The following GRM8 variants were observed in gnomAD, a reference collection of about 807,000 sequenced individuals.
The protein encoded by GRM8 is metabotropic glutamate receptor 8.
In GRM8, 47 loss-of-function variants were observed where a neutral mutation model predicts 87.2. The ratio of observed to expected loss-of-function variants is 0.54; its 90% confidence interval spans 0.43 to 0.69. The LOEUF (loss-of-function observed/expected upper bound fraction) is 0.69, where lower values mean the gene tolerates loss of function less well. GRM8 is among the 30% of genes least tolerant of loss of function. The pLI is 0.00. For synonymous variants in GRM8, 396 were observed against 404.5 expected, an observed-to-expected ratio of 0.98 and a Z score of 0.25; for missense variants, 1,019 against 1,139.2, an observed-to-expected ratio of 0.89 and a Z score of 1.52.
At chr7:127,089,389 A>G (rs1823834995) in intron 3 of GRM8, among the ~76,000 whole-genome samples, 1 of 152,176 alleles carries the variant, frequency 6.6e-6, no homozygotes, top group Non-Finnish European at 1.5e-5. Flanking sequence ...TGGGAGAACA[A>G]ATTTCTGTTG....
intron 3 of GRM8, among the ~76,000 whole-genome samples, chr7:126,983,001 G>T (rs1422174842): frequency 2.6e-5 from 4 of 152,144 alleles, no homozygotes; most frequent in Non-Finnish European, 5.9e-5. Flanking sequence ...TACCTCTGTT[G>T]TGTAGTAGTA....
At chr7:126,603,824 G>A (rs2151083798) in intron 8 of GRM8, among the ~76,000 whole-genome samples, 1 of 152,160 alleles carries the variant, frequency 6.6e-6, no homozygotes, top group South Asian at 2.1e-4. Context: ...GGAAACAGAG[G>A]CAAACAGAAA....
chr7:126,913,817 A>G (rs2131309855), intron 3 of GRM8, among the ~76,000 whole-genome samples: 1 of 152,344 alleles, frequency 6.6e-6, no homozygotes, highest in African/African-American at 2.4e-5. Context: ...ACAACATGAA[A>G]CTGTAAGTTT....
At chr7:127,153,007 C>A (rs1335606173) in intron 2 of GRM8, among the ~76,000 whole-genome samples, 1 of 152,058 alleles carries the variant, frequency 6.6e-6, no homozygotes, top group Non-Finnish European at 1.5e-5. Flanking sequence ...TATTTAACAC[C>A]CTCCCCATTT....
chr7:126,557,267 C>G (rs1793248562), intron 8 of GRM8, among the ~76,000 whole-genome samples: 1 of 152,172 alleles, frequency 6.6e-6, no homozygotes, highest in Non-Finnish European at 1.5e-5. Context: ...TAGGGTAAGA[C>G]TGGATAATGC....
intron 9 of GRM8, among the ~76,000 whole-genome samples, chr7:126,522,524 C>T (rs567076559): frequency 1.1e-4 from 16 of 152,188 alleles, no homozygotes; most frequent in East Asian, 5.8e-4. Flanking sequence ...TATAATTTTT[C>T]GCCCACACTG....
At chr7:126,609,532 T>G (rs770161307) in intron 7 of GRM8, 34 bp from the exon 8 acceptor site, 1 of 1,560,958 alleles carries the variant, frequency 6.4e-7, no homozygotes, top group Non-Finnish European at 8.8e-7. Flanking sequence ...TTAATAAAGT[T>G]TTAGTAAGAT....
chr7:127,042,551 G>C (rs1818523091), intron 3 of GRM8, among the ~76,000 whole-genome samples: 1 of 152,168 alleles, frequency 6.6e-6, no homozygotes, highest in South Asian at 2.1e-4. Context: ...GGGAAAACTG[G>C]CTAGCCATAT....
rs1814136039 is a variant in GRM8, at chr7:126,527,965, G to C, written c.2430+4987C>G. ...CTCATGCCTGTAATCCAGCATTTTG[G>C]GAGGCTAAGGCGGGCGGATCATGAG... is the stretch of plus-strand genomic sequence containing the variant. On this transcript the variant is annotated intron_variant, in intron 9 of 10. Coordinates refer to ENST00000339582, the MANE Select transcript of GRM8 (RefSeq NM_000845.3). 2.6e-5 allele frequency among the ~76,000 whole-genome samples: 4 copies of C among 152,242 alleles called. No individual in the cohort carries two copies. The South Asian group carries it at 8.3e-4, about 32-fold the overall frequency.
chr7:126,696,279 C>T (rs918853739), intron 7 of GRM8, among the ~76,000 whole-genome samples: 6 of 152,128 alleles, frequency 3.9e-5, no homozygotes, highest in African/African-American at 1.4e-4. Context: ...GTTTGTTACA[C>T]AGGTAAACGT....
At chr7:126,742,706 CCTCTTT>C (rs1382835988) in intron 7 of GRM8, among the ~76,000 whole-genome samples, 1 of 152,030 alleles carries the variant, frequency 6.6e-6, no homozygotes, top group East Asian at 1.9e-4. Flanking sequence ...AATACTCCTT[CCTCTTT>C]CTCTAAGTTT....
chr7:126,638,845 A>T (rs1802099338), intron 7 of GRM8, among the ~76,000 whole-genome samples: 1 of 152,114 alleles, frequency 6.6e-6, no homozygotes, highest in Non-Finnish European at 1.5e-5. Context: ...TTCACCAAGT[A>T]ATTTCTGTAA....
chr7:127,221,171 T>C (rs1419162668), intron 2 of GRM8, among the ~76,000 whole-genome samples: 1 of 152,188 alleles, frequency 6.6e-6, no homozygotes, highest in African/African-American at 2.4e-5. Context: ...CAAACAGGCC[T>C]TAAAAGTCTA....
chr7:127,016,634 T>C (rs942343325), intron 3 of GRM8, among the ~76,000 whole-genome samples: 4 of 152,072 alleles, frequency 2.6e-5, no homozygotes, highest in African/African-American at 9.7e-5. Flanking sequence ...ACCATTGCTC[T>C]TTCTCAATCC....
intron 3 of GRM8, among the ~76,000 whole-genome samples, chr7:126,953,287 A>C (rs28951977): frequency 6.6e-6 from 1 of 152,122 alleles, no homozygotes; most frequent in East Asian, 1.9e-4. Context: ...TTAAGAATCT[A>C]TATCAACAAT....
At chr7:126,444,971 C>A (rs767565091) in intron 10 of GRM8, among the ~76,000 whole-genome samples, 3 of 150,668 alleles carry the variant, frequency 2.0e-5, no homozygotes, top group Non-Finnish European at 4.4e-5. Flanking sequence ...CAGAGTGAGA[C>A]CCTGTCTCTA....
chr7:126,677,201 T>C (rs1175870215), intron 7 of GRM8, among the ~76,000 whole-genome samples: 1 of 151,950 alleles, frequency 6.6e-6, no homozygotes, highest in Non-Finnish European at 1.5e-5. Context: ...CAAAACACAA[T>C]AGATGTTGGC....
intron 8 of GRM8, among the ~76,000 whole-genome samples, chr7:126,567,222 A>G (rs1002325568): frequency 6.6e-6 from 1 of 152,116 alleles, no homozygotes; most frequent in Non-Finnish European, 1.5e-5. Context: ...AAATTTGTTA[A>G]GGGGATAAAA....
chr7:126,762,753 T>G lies in GRM8; in HGVS notation c.1357+7112A>C, dbSNP rs148830882. On this transcript the variant is annotated intron_variant, in intron 7 of 10. Coordinates refer to ENST00000339582, the MANE Select transcript of GRM8 (RefSeq NM_000845.3). Reference sequence around the variant, plus strand: ...AAAGTGAAATTGTGATTTGTTTTTTTCAATGAATTACTGTAAATATAATTA... The same window carrying G: ...AAAGTGAAATTGTGATTTGTTTTTTGCAATGAATTACTGTAAATATAATTA... Among the ~76,000 whole-genome samples the G allele has an allele frequency of 4.8e-4, 73 of 152,024 alleles. 2 individuals are homozygous for G. In the East Asian group the frequency reaches 0.012, roughly 26 times the overall value.
Sources: allele counts gnomAD v4.1 joint callset (sites outside exome capture counted in the v4.1 genomes callset), GRCh38; gene constraint gnomAD v4.1.1; transcripts MANE v1.5; gene names NCBI Gene and HGNC (gene_info 2026-07-23, HGNC 2026-07-21).